The following VIRMA variants were observed in gnomAD, a reference collection of about 807,000 sequenced individuals.
The protein encoded by VIRMA is vir like m6A methyltransferase associated.
A neutral mutation model predicts 182.4 loss-of-function variants in VIRMA; 65 were observed. The ratio of observed to expected loss-of-function variants is 0.36; its 90% CI spans 0.29 to 0.44. The LOEUF (loss-of-function observed/expected upper bound fraction) is 0.44, where lower values mean the gene tolerates loss of function less well. Among genes scored for constraint, VIRMA ranks in the 20% least tolerant of loss-of-function variants. The pLI, the probability that VIRMA is intolerant of heterozygous loss-of-function variation, is 1.00. For synonymous variants in VIRMA, 709 were observed against 743.1 expected (o/e 0.95, Z 0.75); for missense variants, 1,752 against 2,158.1 (o/e 0.81, Z 3.73).
At chr8:94,495,535 A>C (rs1161426775) in intron 19 of VIRMA, among the ~76,000 whole-genome samples, 196 bp downstream of exon 19, 1 of 150,590 alleles carries the variant, frequency 6.6e-6, no homozygotes, top group African/African-American at 2.4e-5. Flanking sequence ...ACAGCCTGCA[A>C]GCTAGCATAG....
At chr8:94,530,928 A>AG in intron 6 of VIRMA, 35 bp downstream of exon 6, 2 of 1,587,120 alleles carry the variant, frequency 1.3e-6, no homozygotes, top group Non-Finnish European at 1.7e-6. Context: ...ACTATTAACT[A>AG]GGGGGGAAAA....
Position 94,510,527 on chromosome 8 carries a change from G to A in VIRMA, c.3516C>T (p.Pro1172=), listed in dbSNP as rs756995332. 15 of 1,614,008 alleles carry A rather than the reference G, an allele frequency of 9.3e-6. No homozygotes were observed. Among genetic ancestry groups the A allele is most frequent in the South Asian group, 6.6e-5 (6 of 91,092 alleles). Residue 1172 remains proline, a synonymous_variant, in exon 14 of 24, where the codon CCC becomes CCT. Coordinates refer to ENST00000297591, the MANE Select transcript of VIRMA (RefSeq NM_015496.5). ...AAATACGCCGTAACATATGTTGAAT[G>A]GGCTGGCAGGTTGTGCCAGAGAAAG... ...VRSFSGTTCQ[P]IQHMLRRICV...
chr8:94,510,143 A>T (rs1466362713), intron 14 of VIRMA, among the ~76,000 whole-genome samples: 1 of 152,206 alleles, frequency 6.6e-6, no homozygotes, highest in African/African-American at 2.4e-5. Flanking sequence ...ATATTTTCTT[A>T]AATCAGAGTA....
rs770340574 is a variant in VIRMA at position 94,517,927 on chromosome 8, C to T, written c.2529G>A (p.Lys843=). 6.2e-7 allele frequency: 1 copy of T among 1,610,904 alleles called. No individual in the cohort carries two copies. Among genetic ancestry groups the T allele is most frequent in the African/African-American group, 1.3e-5 (1 of 74,946 alleles). The change falls in exon 10 of 24, where the codon AAG becomes AAA. Residue 843 remains lysine, a synonymous_variant. Coordinates refer to ENST00000297591, the MANE Select transcript of VIRMA (RefSeq NM_015496.5). ...SKEALGDSKS[K]KSVAYNYACI... ...ATGCGTAATTATAAGCTACTGACTT[C>T]TTAGATTTGGAATCACTGAAACAAA... is the stretch of plus-strand genomic sequence containing the variant.
chr8:94,523,397 T>C (rs1176075903), intron 8 of VIRMA, among the ~76,000 whole-genome samples: 1 of 152,168 alleles, frequency 6.6e-6, no homozygotes, highest in Non-Finnish European at 1.5e-5. Flanking sequence ...CCTTGTCTCT[T>C]ACTTTTTCTC....
At chr8:94,525,367 T>G (rs1337747431) in intron 8 of VIRMA, among the ~76,000 whole-genome samples, 1 of 152,234 alleles carries the variant, frequency 6.6e-6, no homozygotes, top group Non-Finnish European at 1.5e-5. Flanking sequence ...TTTCTCCTTA[T>G]CTTACTCTCT....
In VIRMA at chr8:94,527,248, T is replaced by C; in HGVS notation, c.996A>G (p.Ser332=). Reference sequence around the variant, plus strand: ...ATGGATCATATGTCATAGGAGGAACTGAAGCTAAGTCTTCAGCAGTGTATT... The same window carrying C: ...ATGGATCATATGTCATAGGAGGAACCGAAGCTAAGTCTTCAGCAGTGTATT... ...DVEYTAEDLA[S]VPPMTYDPYD... is the part of the protein sequence containing the mutation. The change falls in exon 8 of 24, where the codon TCA becomes TCG. Residue 332 remains serine (S), a synonymous_variant. Transcript: ENST00000297591. 1.2e-6 allele frequency: 2 copies of C among 1,614,054 alleles called. No homozygotes were observed. Among genetic ancestry groups the C allele is most frequent in the Non-Finnish European group, 1.7e-6 (2 of 1,179,930 alleles).
chr8:94,496,306 GCT>G lies in VIRMA; in HGVS notation c.4383+20_4383+21del. The G allele has an allele frequency of 1.3e-6, 2 of 1,599,220 alleles. No homozygotes were observed. The highest frequency in any genetic ancestry group is 1.7e-6 in the Non-Finnish European group (2 of 1,174,644). ...TGAGAGGAAAATAGGCCTTAAGAAC[GCT>G]CTGTTTTTTTCTTTTTTACCAAAAC... On this transcript the variant is annotated intron_variant, in intron 18 of 23. Coordinates refer to ENST00000297591, the MANE Select transcript of VIRMA (RefSeq NM_015496.5).
At chr8:94,523,226 A>T (rs761108378) in intron 8 of VIRMA, among the ~76,000 whole-genome samples, 3 of 152,092 alleles carry the variant, frequency 2.0e-5, no homozygotes, top group Non-Finnish European at 4.4e-5. Context: ...TTGCCCCAGG[A>T]ATTGTTATTG....
At chr8:94,553,190 T>G (rs1816067285) in intron 1 of VIRMA, among the ~76,000 whole-genome samples, 195 bp downstream of exon 1, 1 of 151,974 alleles carries the variant, frequency 6.6e-6, no homozygotes, top group Admixed American at 6.6e-5. Context: ...GGGCCCAAGT[T>G]AAAGCAAGGA....
At position 94,527,768 on chromosome 8, in the gene VIRMA, GTTGTT is replaced by G. The variant is rs1278880166; in HGVS notation, c.881-410_881-406del. Among the ~76,000 whole-genome samples the G allele has an allele frequency of 3.3e-5, 5 of 152,268 alleles. No individual in the cohort carries two copies. In the East Asian group the frequency reaches 5.8e-4, roughly 18 times the overall value. On this transcript the variant is annotated intron_variant, in intron 7 of 23. Coordinates refer to ENST00000297591, the MANE Select transcript of VIRMA (RefSeq NM_015496.5). ...TTATTTTTAAGACCAAAAAAAACTG[GTTGTT>G]TTAAGTTAAGTAAGAACTAATATCA...
intron 7 of VIRMA, 152 bp from the exon 8 acceptor site, chr8:94,527,515 A>G (rs1815016331): frequency 3.7e-6 from 2 of 543,366 alleles, no homozygotes; most frequent in Non-Finnish European, 3.1e-6. Flanking sequence ...ACAATTTTAC[A>G]ACATTTTATA....
intron 9 of VIRMA, 104 bp downstream of exon 9, chr8:94,518,881 T>C (rs769865292): frequency 8.6e-6 from 9 of 1,050,028 alleles, no homozygotes; most frequent in African/African-American, 8.0e-5. Context: ...ATCAAAACTA[T>C]AGTTTTTCCC....
intron 6 of VIRMA, among the ~76,000 whole-genome samples, chr8:94,529,791 C>T (rs907696781): frequency 2.6e-5 from 4 of 152,052 alleles, no homozygotes; most frequent in Non-Finnish European, 5.9e-5. Flanking sequence ...AGGCGTGTAA[C>T]ACCACACCCG....
chr8:94,511,634 T>C lies in VIRMA; in HGVS notation c.2941A>G (p.Ser981Gly), dbSNP rs1424744749. Residue 981 changes from serine to glycine, a missense_variant, in exon 13 of 24, where the codon AGT becomes GGT. Ser to Gly is a moderately conservative substitution (Grantham distance 56). Around this residue, in one of 11 missense-constraint regions of VIRMA, gnomAD observed 777 missense variants for 920.6 expected, o/e 0.84. Coordinates refer to ENST00000297591, the MANE Select transcript of VIRMA (RefSeq NM_015496.5). ...TFIRVLQKLN[S>G]ILTQPWRLHV... Reference sequence around the variant, plus strand: ...AGCCTCCAAGGCTGAGTCAGAATACTGTTCAATTTTTGCAGAACTCGAATA... The same window carrying C: ...AGCCTCCAAGGCTGAGTCAGAATACCGTTCAATTTTTGCAGAACTCGAATA... 1 of 1,614,060 alleles carries C rather than the reference T, an allele frequency of 6.2e-7. No individual in the cohort carries two copies. The highest frequency in any genetic ancestry group is 2.2e-5 in the East Asian group (1 of 44,896).
At chr8:94,508,699 CA>C (rs111721426) in intron 15 of VIRMA, among the ~76,000 whole-genome samples, 31,021 of 125,448 alleles carry the variant, frequency 0.25, 3,273 homozygotes, top group South Asian at 0.39. Context: ...ACAAGTCATA[CA>C]AAAAAAAAAA....
chr8:94,552,755 T>A (rs1033099976), intron 1 of VIRMA, among the ~76,000 whole-genome samples: 1 of 152,186 alleles, frequency 6.6e-6, no homozygotes, highest in Non-Finnish European at 1.5e-5. Context: ...TCAAAGGAGA[T>A]GTCTGCTGAT....
At chr8:94,519,935 T>C (rs911381762) in intron 8 of VIRMA, among the ~76,000 whole-genome samples, 2 of 152,070 alleles carry the variant, frequency 1.3e-5, no homozygotes, top group African/African-American at 4.8e-5. Context: ...TGATGCCAGG[T>C]GCAGTTGGTC....
In VIRMA at chr8:94,526,390, A is replaced by G. The variant is rs1368477455; in HGVS notation, c.1854T>C (p.Asn618=). The part of the protein sequence containing the change: ...SMDMDLLESS[N]ISEGEIERLI... ...GCCTTTCTATTTCCCCTTCACTTAT[A>G]TTTGAGGATTCCAAAAGATCCATAT... The change falls in exon 8 of 24, where the codon AAT becomes AAC. Residue 618 remains asparagine, a synonymous_variant. Coordinates refer to ENST00000297591, the MANE Select transcript of VIRMA (RefSeq NM_015496.5). 1 of 1,614,026 alleles carries G rather than the reference A, an allele frequency of 6.2e-7. No individual in the cohort carries two copies. The highest frequency in any genetic ancestry group is 1.3e-5 in the African/African-American group (1 of 75,028).
Sources: allele counts gnomAD v4.1 joint callset (sites outside exome capture counted in the v4.1 genomes callset), GRCh38; gene constraint gnomAD v4.1.1; regional missense constraint gnomAD v4.1.1; transcripts MANE v1.5; gene names NCBI Gene and HGNC (gene_info 2026-07-23, HGNC 2026-07-21).